BTN2A2: variants seen among roughly 807,000 people sequenced by gnomAD.
BTN2A2 encodes the protein butyrophilin 2.
Under a neutral mutation model 34.7 loss-of-function variants are expected in BTN2A2, and 29 were observed. That is an observed-to-expected ratio of 0.84 (90% CI 0.62 to 1.14). BTN2A2 has a LOEUF of 1.14. Ranked by LOEUF, BTN2A2 falls within the 50% of genes most tolerant of loss-of-function variation. BTN2A2 has a pLI of 0.00. For missense variants in BTN2A2, 612 were observed against 651.5 expected (o/e 0.94, Z 0.66); for synonymous variants, 240 against 253.1 (o/e 0.95, Z 0.49).
chr6:26,394,090 T>C lies in BTN2A2; in HGVS notation c.*1123T>C. On this transcript the variant is annotated 3_prime_UTR_variant, in exon 8 of 8. Coordinates refer to ENST00000356709, the MANE Select transcript of BTN2A2 (RefSeq NM_006995.5). ...ATTAAACCTATTGGTATATCATAGG[T>C]CATGTTAGCTCAAAAAAACTTTACT... 1 of 499,808 alleles carries C rather than the reference T, an allele frequency of 2.0e-6. No individual in the cohort carries two copies. 31.0% of individuals were successfully genotyped at this position (499,808 alleles called of 1,614,324 possible). A position where few individuals can be genotyped will look rare whatever the true frequency, so the allele number is the denominator to read the frequency against.
chr6:26,388,317 C>T, intron 4 of BTN2A2, 23 bp downstream of exon 4: 1 of 1,611,494 alleles, frequency 6.2e-7, no homozygotes, highest in South Asian at 1.1e-5. Flanking sequence ...CCCTCTGAGA[C>T]CTATCAAGTG....
Position 26,385,286 on chromosome 6 carries a change from G to A in BTN2A2, c.366G>A (p.Gln122=), listed in dbSNP as rs761795419. 2.5e-6 allele frequency: 4 copies of A among 1,614,062 alleles called. No individual in the cohort carries two copies. Among genetic ancestry groups the A allele is most frequent in the African/African-American group, 1.3e-5 (1 of 74,914 alleles). Reference sequence around the variant, plus strand: ...TGGTCATACATAACGTCACAGCCCAGGAGAATGGGATCTACCGCTGTTACT... The same window carrying A: ...TGGTCATACATAACGTCACAGCCCAAGAGAATGGGATCTACCGCTGTTACT... The part of the protein sequence containing the change: ...VALVIHNVTA[Q]ENGIYRCYFQ... The change falls in exon 3 of 8, where the codon CAG becomes CAA. Residue 122 remains glutamine (Q), a synonymous_variant. Coordinates refer to ENST00000356709, the MANE Select transcript of BTN2A2 (RefSeq NM_006995.5).
rs1325720305 is a variant in BTN2A2 at position 26,392,459 on chromosome 6, G to A, written c.1064G>A (p.Arg355Lys). The A allele has an allele frequency of 1.9e-6, 3 of 1,614,240 alleles. No homozygotes were observed. The highest frequency in any genetic ancestry group is 1.6e-4 in the Middle Eastern group (1 of 6,062). Residue 355 changes from arginine (R) to lysine (K), a missense_variant, in exon 8 of 8, where the codon AGG (arginine) becomes AAG (lysine). Coordinates refer to ENST00000356709, the MANE Select transcript of BTN2A2 (RefSeq NM_006995.5). The part of the protein sequence containing the change: ...DRRSVRRGPY[R>K]QRVPDNPERF... ...AGAAGTGTGAGGCGGGGCCCCTACAGGCAGAGAGTGCCTGACAACCCAGAG... is the reference window on the plus strand; with the variant it reads ...AGAAGTGTGAGGCGGGGCCCCTACAAGCAGAGAGTGCCTGACAACCCAGAG...
intron 5 of BTN2A2, 125 bp from the exon 6 acceptor site, chr6:26,390,562 A>T: frequency 8.5e-7 from 1 of 1,179,652 alleles, no homozygotes; most frequent in Non-Finnish European, 1.3e-6. Context: ...ACTGTTCCTT[A>T]GGCATAAACG....
Position 26,393,552 on chromosome 6 carries a change from C to T in BTN2A2, c.*585C>T, listed in dbSNP as rs1293000864. On this transcript the variant is annotated 3_prime_UTR_variant, in exon 8 of 8. Transcript: ENST00000356709. ...CCACCCAACCCCAGGATTTCCACAG[C>T]ACACACCCACAGGCCTGGACCTGGG... 3.9e-6 allele frequency: 4 copies of T among 1,014,088 alleles called. No individual in the cohort carries two copies. The highest frequency in any genetic ancestry group is 4.7e-6 in the Non-Finnish European group (4 of 847,620). 62.8% of individuals were successfully genotyped at this position (1,014,088 alleles called of 1,614,324 possible).
chr6:26,384,138 T>TA lies in BTN2A2; in HGVS notation c.94+224dup, dbSNP rs1761037204. On this transcript the variant is annotated intron_variant, in intron 2 of 7. Coordinates refer to ENST00000356709, the MANE Select transcript of BTN2A2 (RefSeq NM_006995.5). The surrounding 1 kb of genome is among the most constrained non-coding windows in gnomAD (Gnocchi z 4.0). ...CTTCAAAAAGATTTTTTTAACTTTT[T>TA]ATTTATTTGTTTATTTATTTAAGAG... Among the ~76,000 whole-genome samples the TA allele has an allele frequency of 6.6e-6, 1 of 152,358 alleles. No homozygotes were observed. The highest frequency in any genetic ancestry group is 3.4e-3 in the Middle Eastern group (1 of 294).
Position 26,392,731 on chromosome 6 carries a change from G to A in BTN2A2, c.1336G>A (p.Val446Met), listed in dbSNP as rs543179828. ...ILPLKESLCR[V>M]GVFLDYEAGD... is the part of the protein sequence containing the mutation. ...CCCTTTGAAGGAGTCCCTTTGCCGGGTGGGCGTCTTCCTGGACTATGAAGC... is the reference window on the plus strand; with the variant it reads ...CCCTTTGAAGGAGTCCCTTTGCCGGATGGGCGTCTTCCTGGACTATGAAGC... The change falls in exon 8 of 8, where the codon GTG becomes ATG. Residue 446 changes from valine (V) to methionine (M), a missense_variant. Physicochemically the swap from Val to Met is conservative, Grantham distance 21. Coordinates refer to ENST00000356709, the MANE Select transcript of BTN2A2 (RefSeq NM_006995.5). The A allele has an allele frequency of 4.3e-6, 7 of 1,614,218 alleles. No individual in the cohort carries two copies. In the South Asian group the frequency reaches 7.7e-5, roughly 18 times the overall value.
chr6:26,390,092 TC>T lies in BTN2A2; in HGVS notation c.814del (p.Leu272TrpfsTer78). ...CCCTGGATGGTGTCCATGACTGTCATCCTGGCTGTTTTCATCATCTTCATGG... is the reference window on the plus strand; with the variant it reads ...CCCTGGATGGTGTCCATGACTGTCATCTGGCTGTTTTCATCATCTTCATGG... ...ASPWMVSMTV[I>X]LAVFIIFMAV... On this transcript the variant is annotated frameshift_variant, in exon 5 of 8. Transcript: ENST00000356709. LOFTEE classifies it high-confidence loss of function. 1 of 1,614,226 alleles carries T rather than the reference TC, an allele frequency of 6.2e-7. No homozygotes were observed. The highest frequency in any genetic ancestry group is 1.1e-5 in the South Asian group (1 of 91,088).
Position 26,388,247 on chromosome 6 carries a change from A to G in BTN2A2, c.677A>G (p.Asn226Ser). The change falls in exon 4 of 8, where the codon AAC (asparagine) becomes AGC (serine). Residue 226 changes from asparagine (N) to serine (S), a missense_variant. By Grantham distance (46) the Asn-to-Ser change is conservative. Transcript: ENST00000356709. ...GTGAGGAATGTGTCCTGCTCTGTCA[A>G]CAACACCCTGCTCGGCCAGGAGAAG... ...KYVRNVSCSV[N>S]NTLLGQEKET... 1.9e-6 allele frequency: 3 copies of G among 1,614,222 alleles called. No individual in the cohort carries two copies. Among genetic ancestry groups the G allele is most frequent in the Non-Finnish European group, 2.5e-6 (3 of 1,180,038 alleles).
Position 26,392,861 on chromosome 6 carries a change from A to C in BTN2A2, c.1466A>C (p.Asp489Ala). Residue 489 changes from aspartate to alanine, a missense_variant, in exon 8 of 8, where the codon GAT becomes GCT. Coordinates refer to ENST00000356709, the MANE Select transcript of BTN2A2 (RefSeq NM_006995.5). ...PVRPFFRLGS[D>A]DSPIFICPAL... The stretch of plus-strand genomic sequence containing the variant: ...AGGCCCTTCTTCAGGTTAGGGTCTG[A>C]TGACAGCCCCATCTTCATCTGCCCT... 1 of 1,614,180 alleles carries C rather than the reference A, an allele frequency of 6.2e-7. No individual in the cohort carries two copies. Among genetic ancestry groups the C allele is most frequent in the Middle Eastern group, 1.6e-4 (1 of 6,062 alleles).
intron 3 of BTN2A2, among the ~76,000 whole-genome samples, chr6:26,387,318 C>T (rs9358938): frequency 0.079 from 11,951 of 152,212 alleles, 588 homozygotes; most frequent in Non-Finnish European, 0.11. Context: ...TTGGCTTTGC[C>T]AGCTAGTTCT....
chr6:26,385,409 T>C, intron 3 of BTN2A2, 47 bp downstream of exon 3: 1 of 1,547,072 alleles, frequency 6.5e-7, no homozygotes, highest in Non-Finnish European at 8.8e-7. Flanking sequence ...GTGTGACTTT[T>C]GGGGAAAGTT....
rs200276371 is a variant in BTN2A2, at chr6:26,392,813, G to A, written c.1418G>A (p.Arg473His). Reference sequence around the variant, plus strand: ...AGATCGCACATCTACACATGTCCCCGTTCAGCCTTTACTGTGCCTGTGAGG... The same window carrying A: ...AGATCGCACATCTACACATGTCCCCATTCAGCCTTTACTGTGCCTGTGAGG... ...RDRSHIYTCP[R>H]SAFTVPVRPF... Residue 473 changes from arginine to histidine, a missense_variant, in exon 8 of 8, where the codon CGT becomes CAT. Physicochemically the swap from Arg to His is conservative, Grantham distance 29. Coordinates refer to ENST00000356709, the MANE Select transcript of BTN2A2 (RefSeq NM_006995.5). 3.9e-5 allele frequency: 63 copies of A among 1,614,176 alleles called. No individual in the cohort carries two copies. The highest frequency in any genetic ancestry group is 3.3e-4 in the Middle Eastern group (2 of 6,062).
In BTN2A2 at chr6:26,394,424, G is replaced by T; in HGVS notation, c.*1457G>T. The T allele has an allele frequency of 3.0e-6, 2 of 666,572 alleles. No individual in the cohort carries two copies. Among genetic ancestry groups the T allele is most frequent in the Admixed American group, 2.1e-5 (1 of 47,976 alleles). 41.3% of individuals were successfully genotyped at this position (666,572 alleles called of 1,614,324 possible). On this transcript the variant is annotated 3_prime_UTR_variant, in exon 8 of 8. Transcript: ENST00000356709. Reference sequence around the variant, plus strand: ...AGTGGGAAATTCTCTCCTTCTGTTGGCTGGGTGCCCAATACAACAAAAAGG... The same window carrying T: ...AGTGGGAAATTCTCTCCTTCTGTTGTCTGGGTGCCCAATACAACAAAAAGG...
chr6:26,391,000 G>A lies in BTN2A2; in HGVS notation c.979+171G>A, dbSNP rs192311792. 2.5e-3 allele frequency: 2,418 copies of A among 978,180 alleles called. 12 individuals carry two copies. The highest frequency in any genetic ancestry group is 0.02 in the African/African-American group (1,233 of 62,072). 60.6% of individuals were successfully genotyped at this position (978,180 alleles called of 1,614,324 possible). A position where few individuals can be genotyped will look rare whatever the true frequency, so the allele number is the denominator to read the frequency against. On this transcript the variant is annotated intron_variant, in intron 7 of 7. Coordinates refer to ENST00000356709, the MANE Select transcript of BTN2A2 (RefSeq NM_006995.5). ...TGATGCATCATGGCTCTTCTGTCAG[G>A]GAACCCCAGCAGCTCTTAATGAACC...
rs1288281236 is a variant in BTN2A2, at chr6:26,393,501, G to A, written c.*534G>A. On this transcript the variant is annotated 3_prime_UTR_variant, in exon 8 of 8. Coordinates refer to ENST00000356709, the MANE Select transcript of BTN2A2 (RefSeq NM_006995.5). Reference sequence around the variant, plus strand: ...GCTAAGTCCCACCATAAGAGCTAAAGGGTCCTGGGAGATGATGGCTCATTT... The same window carrying A: ...GCTAAGTCCCACCATAAGAGCTAAAAGGTCCTGGGAGATGATGGCTCATTT... 59 of 1,033,270 alleles carry A rather than the reference G, an allele frequency of 5.7e-5. No homozygotes were observed. The highest frequency in any genetic ancestry group is 6.3e-5 in the Non-Finnish European group (54 of 859,914). 64.0% of individuals were successfully genotyped at this position (1,033,270 alleles called of 1,614,324 possible).
chr6:26,383,530 A>AG lies in BTN2A2; in HGVS notation c.-30-259dup. On this transcript the variant is annotated intron_variant, in intron 1 of 7. Transcript: ENST00000356709. The surrounding 1 kb of genome is among the most constrained non-coding windows in gnomAD (Gnocchi z 4.4). Reference sequence around the variant, plus strand: ...GAGGGACGAGGGTGTGAAAGAATCCAGGGACAACTGAAGAAACCGGACTGT... The same window carrying AG: ...GAGGGACGAGGGTGTGAAAGAATCCAGGGGACAACTGAAGAAACCGGACTGT... 1 of 397,946 alleles carries AG rather than the reference A, an allele frequency of 2.5e-6. No individual in the cohort carries two copies. Among genetic ancestry groups the AG allele is most frequent in the Non-Finnish European group, 4.6e-6 (1 of 217,932 alleles). The allele number at this position is 397,946 out of a possible 1,614,324, so 24.7% of individuals were successfully genotyped here. A position where few individuals can be genotyped will look rare whatever the true frequency, so the allele number is the denominator to read the frequency against.
chr6:26,389,995 GC>G lies in BTN2A2; in HGVS notation c.725-8del. ...TCAAACTAAATGGACTTTTCTGGCTGCCTTTTCAGAATCCTTTATGCCCAGC... is the reference window on the plus strand; with the variant it reads ...TCAAACTAAATGGACTTTTCTGGCTGCTTTTCAGAATCCTTTATGCCCAGC... On this transcript the variant is annotated splice_polypyrimidine_tract_variant and intron_variant, in intron 4 of 7. Transcript: ENST00000356709. The G allele has an allele frequency of 6.2e-7, 1 of 1,610,320 alleles. No homozygotes were observed. Among genetic ancestry groups the G allele is most frequent in the Non-Finnish European group, 8.5e-7 (1 of 1,178,246 alleles).
chr6:26,392,246 G>T (rs1352398735), intron 7 of BTN2A2, 129 bp from the exon 8 acceptor site: 2 of 1,558,030 alleles, frequency 1.3e-6, no homozygotes, highest in Admixed American at 1.9e-5. Flanking sequence ...GGGATCAGGG[G>T]ACCTTCATGG....
Sources: allele counts gnomAD v4.1 joint callset (sites outside exome capture counted in the v4.1 genomes callset), GRCh38; gene constraint gnomAD v4.1.1; non-coding constraint Gnocchi (gnomAD v3.1); transcripts MANE v1.5; gene names NCBI Gene and HGNC (gene_info 2026-07-23, HGNC 2026-07-21).